MGA: variants seen among roughly 807,000 people sequenced by gnomAD.
MGA encodes MAX gene-associated protein.
In MGA, 40 loss-of-function variants were observed where a neutral mutation model predicts 261.1. That is an observed-to-expected ratio of 0.15 (90% CI 0.12 to 0.20). The LOEUF is 0.20. Among genes scored for constraint, MGA ranks in the 10% least tolerant of loss-of-function variants. The pLI, the probability that MGA is intolerant of heterozygous loss-of-function variation, is 1.00. For synonymous variants in MGA, 1,302 were observed against 1,290.6 expected, an observed-to-expected ratio of 1.01 and a Z score of -0.19; for missense variants, 3,397 against 3,630.5, an observed-to-expected ratio of 0.94 and a Z score of 1.65.
intron 2 of MGA, among the ~76,000 whole-genome samples, chr15:41,670,178 C>G (rs971060121): frequency 6.6e-6 from 1 of 152,064 alleles, no homozygotes; most frequent in Non-Finnish European, 1.5e-5. Context: ...AATTGGATAA[C>G]TTATCAGAAT....
At chr15:41,748,524 C>A (rs1327711846) in intron 15 of MGA, 113 bp from the exon 16 acceptor site, 6 of 1,248,780 alleles carry the variant, frequency 4.8e-6, no homozygotes, top group Non-Finnish European at 6.5e-6. Flanking sequence ...TCATTGCACT[C>A]CAGCCTGAGC....
Position 41,711,032 on chromosome 15 carries a change from G to A in MGA, c.2767G>A (p.Val923Ile). ...TTATAAATCCATTTTACCATACCCT[G>A]TTTCACCAAAGCAGAAATACTCTCA... Residue 923 changes from valine (V) to isoleucine (I), a missense_variant, in exon 8 of 24, where the codon GTT (valine) becomes ATT (isoleucine). Val to Ile is a conservative substitution (Grantham distance 29, BLOSUM62 3). Transcript: ENST00000219905. 1 of 1,613,984 alleles carries A rather than the reference G, an allele frequency of 6.2e-7. No homozygotes were observed. Among genetic ancestry groups the A allele is most frequent in the Non-Finnish European group, 8.5e-7 (1 of 1,179,888 alleles).
intron 1 of MGA, among the ~76,000 whole-genome samples, chr15:41,633,158 C>A (rs1229854416): frequency 1.3e-5 from 2 of 151,964 alleles, no homozygotes; most frequent in African/African-American, 4.8e-5. Flanking sequence ...ACTGCGTTAG[C>A]CAGGATGGTC....
At chr15:41,697,296 G>C (rs1318277298) in intron 3 of MGA, among the ~76,000 whole-genome samples, 1 of 151,988 alleles carries the variant, frequency 6.6e-6, no homozygotes, top group Non-Finnish European at 1.5e-5. Flanking sequence ...AAAGTCTTCG[G>C]GTCTTACTGG....
At chr15:41,710,567 A>G in intron 7 of MGA, 124 bp from the exon 8 acceptor site, 1 of 989,422 alleles carries the variant, frequency 1.0e-6, no homozygotes, top group South Asian at 1.8e-5. Context: ...GTGCCCAGCT[A>G]AGGGATAGTT....
At chr15:41,656,377 T>TCACACACACA (rs1243345715), upstream of MGA, among the ~76,000 whole-genome samples, 2 of 68,274 alleles carry the variant, frequency 2.9e-5, no homozygotes, top group Non-Finnish European at 6.9e-5. Context: ...TCTCTCTCTC[T>TCACACACACA]CACACCCAGG....
chr15:41,658,874 GGTT>G (rs1371262372), upstream of MGA, among the ~76,000 whole-genome samples: 2 of 151,886 alleles, frequency 1.3e-5, no homozygotes, highest in African/African-American at 4.8e-5. Context: ...GGGGATGCAT[GGTT>G]GTTAACCAGT....
intron 1 of MGA, among the ~76,000 whole-genome samples, chr15:41,632,700 A>G (rs1331076245): frequency 6.6e-6 from 1 of 151,842 alleles, no homozygotes; most frequent in African/African-American, 2.4e-5. Flanking sequence ...TTTCCTCACT[A>G]GTCTGCCTTG....
intron 1 of MGA, among the ~76,000 whole-genome samples, chr15:41,647,466 A>AT (rs1179417200): frequency 6.6e-6 from 1 of 152,006 alleles, no homozygotes; most frequent in Admixed American, 6.6e-5. Context: ...CCTGGAATAC[A>AT]TTTTTCTGTT....
intron 13 of MGA, among the ~76,000 whole-genome samples, 169 bp downstream of exon 13, chr15:41,736,867 T>TA: frequency 6.6e-6 from 1 of 152,338 alleles, no homozygotes; most frequent in Admixed American, 6.5e-5. Flanking sequence ...GATGCATACC[T>TA]AGAGTGAATT....
At chr15:41,684,845 T>C (rs2058866705) in intron 2 of MGA, among the ~76,000 whole-genome samples, 1 of 152,198 alleles carries the variant, frequency 6.6e-6, no homozygotes, top group African/African-American at 2.4e-5. Flanking sequence ...TGGGCTTGAT[T>C]ATGGAAATTG....
At chr15:41,688,501 C>A (rs201370786) in intron 2 of MGA, among the ~76,000 whole-genome samples, 12 of 152,100 alleles carry the variant, frequency 7.9e-5, no homozygotes, top group Non-Finnish European at 1.8e-4. Flanking sequence ...ATTTACATTG[C>A]GACTCTTTTA....
In MGA at chr15:41,728,896, C is replaced by T. The variant is rs535161952; in HGVS notation, c.3658-268C>T. On this transcript the variant is annotated intron_variant, in intron 10 of 23. Coordinates refer to ENST00000219905, the MANE Select transcript of MGA (RefSeq NM_001164273.2). ...TACTAAAGTATCAGTCTATGATGGA[C>T]TGGTAATTAACAATGTATCCTTCAC... Among the ~76,000 whole-genome samples, 3 of 152,214 alleles carry T rather than the reference C, an allele frequency of 2.0e-5. No homozygotes were observed. In the East Asian group the frequency reaches 5.8e-4, roughly 29 times the overall value.
At chr15:41,672,722 A>G (rs1043229153) in intron 2 of MGA, among the ~76,000 whole-genome samples, 3 of 152,236 alleles carry the variant, frequency 2.0e-5, no homozygotes, top group African/African-American at 4.8e-5. Flanking sequence ...TCTGGCCTAT[A>G]GCCTATTTTA....
chr15:41,657,647 C>T (rs1595585315), upstream of MGA, among the ~76,000 whole-genome samples: 1 of 149,964 alleles, frequency 6.7e-6, no homozygotes, highest in Non-Finnish European at 1.5e-5. Flanking sequence ...TGAGCCACCG[C>T]ACCTGGCCGA....
chr15:41,708,254 C>T (rs771983850), intron 7 of MGA, 46 bp downstream of exon 7: 46 of 1,297,606 alleles, frequency 3.5e-5, no homozygotes, highest in Non-Finnish European at 4.5e-5. Context: ...AACATGTAGC[C>T]AGAAACCTTT....
chr15:41,683,021 A>G (rs1271261711), intron 2 of MGA, among the ~76,000 whole-genome samples: 6 of 152,136 alleles, frequency 3.9e-5, no homozygotes, highest in Admixed American at 2.0e-4. Flanking sequence ...CAAACTTTAT[A>G]AAATTGTTTC....
chr15:41,651,509 C>T (rs972963298), intron 1 of MGA, among the ~76,000 whole-genome samples: 1 of 151,884 alleles, frequency 6.6e-6, no homozygotes, highest in Admixed American at 6.6e-5. Context: ...AGAAAAGTCC[C>T]CTTTCTTTTT....
chr15:41,761,902 G>A, intron 21 of MGA, 52 bp downstream of exon 21: 2 of 1,327,868 alleles, frequency 1.5e-6, no homozygotes, highest in Non-Finnish European at 2.1e-6. Context: ...GCTTTATCAA[G>A]AAGAAATCCT....
Sources: allele counts gnomAD v4.1 joint callset (sites outside exome capture counted in the v4.1 genomes callset), GRCh38; gene constraint gnomAD v4.1.1; transcripts MANE v1.5; gene names NCBI Gene and HGNC (gene_info 2026-07-23, HGNC 2026-07-21).